Variants in DIAPH2 observed in about 807,000 individuals in gnomAD.
DIAPH2 encodes the protein diaphanous related formin 2, also known as protein diaphanous homolog 2.
DIAPH2 carries 35 observed loss-of-function variants against 92.7 expected under a neutral mutation model. The observed-to-expected ratio is 0.38, with a 90% CI of 0.29 to 0.50. The LOEUF (loss-of-function observed/expected upper bound fraction) is 0.50. Ranked by LOEUF, DIAPH2 falls within the 20% of genes least tolerant of loss-of-function variation. The pLI, the probability that DIAPH2 is intolerant of heterozygous loss-of-function variation, is 0.94. For synonymous variants in DIAPH2, 301 were observed against 280.4 expected, an observed-to-expected ratio of 1.07 and a Z score of -0.73; for missense variants, 701 against 819.5, an observed-to-expected ratio of 0.86 and a Z score of 1.77.
At chrX:96,782,090 A>ATATTTTATTT (rs779346508) in intron 4 of DIAPH2, among the ~76,000 whole-genome samples, 1 of 111,088 alleles carries the variant, frequency 9.0e-6, no homozygotes, top group African/African-American at 3.3e-5. Context: ...TTTATTCTAA[A>ATATTTTATTT]TATTTTATTT....
At chrX:96,809,575 T>G (rs748427284) in intron 4 of DIAPH2, among the ~76,000 whole-genome samples, 1 of 109,793 alleles carries the variant, frequency 9.1e-6, no homozygotes, top group Non-Finnish European at 1.9e-5. Flanking sequence ...CGTGCAGGTT[T>G]GTTACACAGG....
intron 4 of DIAPH2, among the ~76,000 whole-genome samples, chrX:96,813,977 T>G (rs2064709090): frequency 9.0e-6 from 1 of 111,392 alleles, no homozygotes; most frequent in African/African-American, 3.3e-5. Context: ...CATTTCAACC[T>G]TGGTGAATCT....
intron 25 of DIAPH2, among the ~76,000 whole-genome samples, chrX:97,397,638 A>G (rs1263421722): frequency 8.9e-6 from 1 of 111,857 alleles, no homozygotes; most frequent in Admixed American, 9.5e-5. Context: ...TCTGTAAATC[A>G]TAGTGTCTTG....
At chrX:97,085,828 A>G (rs1412662781) in intron 19 of DIAPH2, among the ~76,000 whole-genome samples, 1 of 112,268 alleles carries the variant, frequency 8.9e-6, no homozygotes, top group Admixed American at 9.4e-5. Flanking sequence ...ATTGCAAAAT[A>G]TACTAAATAC....
At chrX:97,572,683 A>G (rs953244472) in intron 26 of DIAPH2, among the ~76,000 whole-genome samples, 2 of 112,117 alleles carry the variant, frequency 1.8e-5, no homozygotes, top group African/African-American at 3.2e-5. Flanking sequence ...TTATTTGCCA[A>G]AGAATCTCTG....
intron 22 of DIAPH2, among the ~76,000 whole-genome samples, chrX:97,189,274 T>C (rs914404652): frequency 4.5e-5 from 5 of 111,304 alleles, no homozygotes; most frequent in Admixed American, 9.6e-5. Flanking sequence ...GAACCCAGGG[T>C]AATCAATAAC....
intron 20 of DIAPH2, among the ~76,000 whole-genome samples, chrX:97,100,502 AAAAC>A (rs916406904): frequency 9.0e-6 from 1 of 111,717 alleles, no homozygotes; most frequent in Non-Finnish European, 1.9e-5. Flanking sequence ...ACAAAAAACA[AAAAC>A]AAAAAAATGG....
intron 17 of DIAPH2, among the ~76,000 whole-genome samples, chrX:97,006,473 A>G (rs1388333686): frequency 8.9e-6 from 1 of 112,249 alleles, no homozygotes; most frequent in East Asian, 2.8e-4. Context: ...TGTTGGCTGC[A>G]TATATATTTT....
intron 17 of DIAPH2, among the ~76,000 whole-genome samples, chrX:96,978,067 A>G (rs1248212602): frequency 8.9e-6 from 1 of 112,217 alleles, no homozygotes; most frequent in East Asian, 2.8e-4. Context: ...ATAAAACTAC[A>G]AAGAGGTGTG....
chrX:97,111,244 C>T (rs1439915323), intron 20 of DIAPH2, among the ~76,000 whole-genome samples: 8 of 112,025 alleles, frequency 7.1e-5, no homozygotes, highest in Non-Finnish European at 1.3e-4. Context: ...TCCCACTTTA[C>T]GATGGGGAAA....
intron 26 of DIAPH2, among the ~76,000 whole-genome samples, chrX:97,440,899 G>T (rs1296113616): frequency 3.6e-5 from 4 of 110,916 alleles, no homozygotes; most frequent in Non-Finnish European, 5.7e-5. Context: ...TTATTTGGAT[G>T]GTGGTTACAA....
intron 17 of DIAPH2, among the ~76,000 whole-genome samples, chrX:97,065,586 A>T (rs1226023521): frequency 8.9e-6 from 1 of 111,778 alleles, no homozygotes; most frequent in Admixed American, 9.5e-5. Context: ...TGTACAGTAC[A>T]TAATACTTGG....
At chrX:97,062,466 T>G (rs2066605634) in intron 17 of DIAPH2, among the ~76,000 whole-genome samples, 1 of 110,818 alleles carries the variant, frequency 9.0e-6, no homozygotes, top group South Asian at 3.9e-4. Context: ...ATTCAGTAGG[T>G]ATGAGTGTGT....
rs1014178351 is a variant in DIAPH2, at chrX:97,476,996, C to T, written c.3241+47251C>T. Among the ~76,000 whole-genome samples, 66 of 84,955 alleles carry T rather than the reference C, an allele frequency of 7.8e-4. 1 individual carries two copies. The highest frequency in any genetic ancestry group is 6.0e-3 in the Middle Eastern group (1 of 168). 73.8% of individuals were successfully genotyped at this position (84,955 alleles called of 115,157 possible). On this transcript the variant is annotated intron_variant, in intron 26 of 26. Coordinates refer to ENST00000324765, the MANE Select transcript of DIAPH2 (RefSeq NM_006729.5). ...ATATATATATATATACACACACACA[C>T]ACACACACACACACACACACACACA...
intron 25 of DIAPH2, among the ~76,000 whole-genome samples, chrX:97,421,512 G>A (rs933222703): frequency 2.7e-5 from 3 of 111,499 alleles, no homozygotes; most frequent in African/African-American, 9.8e-5. Context: ...ACTTGTCATC[G>A]CCTTCTTATG....
chrX:97,202,057 A>G (rs1288947782), intron 22 of DIAPH2, among the ~76,000 whole-genome samples: 4 of 111,763 alleles, frequency 3.6e-5, no homozygotes, highest in African/African-American at 9.8e-5. Context: ...ATATCCAGCC[A>G]AACTAAGCTT....
chrX:97,027,774 C>A (rs1055211599), intron 17 of DIAPH2, among the ~76,000 whole-genome samples: 8 of 112,333 alleles, frequency 7.1e-5, no homozygotes, highest in Non-Finnish European at 7.5e-5. Context: ...TTCATTACTG[C>A]ACAATGGACT....
At chrX:97,363,419 G>T (rs751597393) in intron 24 of DIAPH2, among the ~76,000 whole-genome samples, 1 of 109,745 alleles carries the variant, frequency 9.1e-6, no homozygotes, top group South Asian at 4.0e-4. Context: ...CACTTTGGGA[G>T]GCTGAGGTGG....
intron 23 of DIAPH2, among the ~76,000 whole-genome samples, chrX:97,256,797 TG>T (rs2147562619): frequency 9.0e-6 from 1 of 111,374 alleles, no homozygotes; most frequent in African/African-American, 3.3e-5. Flanking sequence ...CCCGAGTAGC[TG>T]GGACTACAGG....
Sources: allele counts gnomAD v4.1 joint callset (sites outside exome capture counted in the v4.1 genomes callset), GRCh38; gene constraint gnomAD v4.1.1; transcripts MANE v1.5; gene names NCBI Gene and HGNC (gene_info 2026-07-23, HGNC 2026-07-21).